The following LRRIQ3 variants were observed in gnomAD, a reference collection of about 807,000 sequenced individuals.
The protein encoded by LRRIQ3 is leucine-rich repeat and IQ domain-containing protein 3.
In LRRIQ3, 75 loss-of-function variants were observed where a neutral mutation model predicts 59.3. The ratio of observed to expected loss-of-function variants is 1.26; its 90% confidence interval spans 1.05 to 1.53. The LOEUF is 1.53. Ranked by LOEUF, LRRIQ3 falls within the 40% of genes most tolerant of loss-of-function variation. LRRIQ3 has a pLI of 0.00. For synonymous variants in LRRIQ3, 250 were observed against 231.3 expected (o/e 1.08, Z -0.73); for missense variants, 831 against 710.0 (o/e 1.17, Z -1.94).
chr1:74,120,120 T>C (rs891528188), intron 4 of LRRIQ3, among the ~76,000 whole-genome samples: 1 of 151,630 alleles, frequency 6.6e-6, no homozygotes, highest in Admixed American at 6.6e-5. Flanking sequence ...ATTTTTTGTA[T>C]GTTGTTTTTT....
At chr1:74,181,829 A>G (rs1253095732) in intron 3 of LRRIQ3, 4 of 151,810 alleles carry the variant, frequency 2.6e-5, no homozygotes, top group South Asian at 2.1e-4. Context: ...TTTTAGATAT[A>G]CTCACTGTTC....
intron 6 of LRRIQ3, among the ~76,000 whole-genome samples, chr1:74,069,411 G>A (rs1198132812): frequency 6.6e-6 from 1 of 151,932 alleles, no homozygotes; most frequent in African/African-American, 2.4e-5. Flanking sequence ...AGCAGCCGAT[G>A]AAATAGGTAT....
At chr1:74,145,556 A>G (rs779379318) in intron 4 of LRRIQ3, among the ~76,000 whole-genome samples, 8 of 152,308 alleles carry the variant, frequency 5.3e-5, no homozygotes, top group Middle Eastern at 6.8e-3. Context: ...GATTTAAAAA[A>G]TTACTTGCTT....
At chr1:74,133,333 A>C (rs1647059349) in intron 4 of LRRIQ3, among the ~76,000 whole-genome samples, 1 of 152,116 alleles carries the variant, frequency 6.6e-6, no homozygotes, top group South Asian at 2.1e-4. Flanking sequence ...AACTAGAAAT[A>C]CCATTTGACC....
chr1:74,147,126 G>A (rs904821059), intron 4 of LRRIQ3, among the ~76,000 whole-genome samples: 2 of 152,132 alleles, frequency 1.3e-5, no homozygotes, highest in Non-Finnish European at 2.9e-5. Context: ...CACTCAGGAG[G>A]CTGAGGTAGA....
chr1:74,123,545 T>C (rs1646892413), intron 4 of LRRIQ3, among the ~76,000 whole-genome samples: 1 of 152,034 alleles, frequency 6.6e-6, no homozygotes, highest in African/African-American at 2.4e-5. Context: ...TGAGTGAGAA[T>C]AAGCAAAGTT....
intron 4 of LRRIQ3, among the ~76,000 whole-genome samples, chr1:74,123,308 C>T (rs1036485599): frequency 1.3e-5 from 2 of 151,850 alleles, no homozygotes; most frequent in African/African-American, 4.8e-5. Context: ...ACAAACAATC[C>T]ACACATATTC....
intron 6 of LRRIQ3, among the ~76,000 whole-genome samples, chr1:74,043,214 G>A (rs1398948865): frequency 6.6e-6 from 1 of 152,080 alleles, no homozygotes; most frequent in African/African-American, 2.4e-5. Context: ...GGAGAAAAAG[G>A]TGTTTCTTGA....
At chr1:74,146,213 G>T (rs1047044873) in intron 4 of LRRIQ3, among the ~76,000 whole-genome samples, 2 of 151,974 alleles carry the variant, frequency 1.3e-5, no homozygotes, top group African/African-American at 4.8e-5. Context: ...TTCTCAGAAT[G>T]CATCCTTGTC....
At chr1:74,082,208 A>G (rs1052936945) in intron 5 of LRRIQ3, 7 of 151,600 alleles carry the variant, frequency 4.6e-5, no homozygotes, top group African/African-American at 1.7e-4. Flanking sequence ...TGTGAAAACA[A>G]GAAAAAAAGG....
At chr1:74,070,190 C>T (rs1054846361) in intron 6 of LRRIQ3, among the ~76,000 whole-genome samples, 1 of 152,036 alleles carries the variant, frequency 6.6e-6, no homozygotes, top group Non-Finnish European at 1.5e-5. Context: ...ATGTTCATTG[C>T]AGCACTATTC....
intron 1 of LRRIQ3, among the ~76,000 whole-genome samples, chr1:74,188,858 C>G (rs76894627): frequency 6.6e-6 from 1 of 152,252 alleles, no homozygotes; most frequent in African/African-American, 2.4e-5. Flanking sequence ...CGGTAGAAAT[C>G]TATTGTAAAT....
At chr1:74,154,236 T>A (rs1648169130) in intron 4 of LRRIQ3, among the ~76,000 whole-genome samples, 1 of 55,668 alleles carries the variant, frequency 1.8e-5, no homozygotes. Context: ...GCGAGACTCC[T>A]TCTCAAAAAA....
chr1:74,185,661 G>A (rs1271372094), intron 1 of LRRIQ3, among the ~76,000 whole-genome samples: 9 of 151,960 alleles, frequency 5.9e-5, no homozygotes, highest in African/African-American at 1.7e-4. Flanking sequence ...GTCCTTGAAA[G>A]GGCCGGGCGC....
chr1:74,052,016 G>A lies in LRRIQ3; in HGVS notation c.998-10083C>T, dbSNP rs1048826494. ...TTCCTGAATAACTATGAATCAGTCCGTTAATAATTATATTATTTCCCTTTT... is the reference window on the plus strand; with the variant it reads ...TTCCTGAATAACTATGAATCAGTCCATTAATAATTATATTATTTCCCTTTT... On this transcript the variant is annotated intron_variant, in intron 6 of 7. Coordinates refer to ENST00000354431, the MANE Select transcript of LRRIQ3 (RefSeq NM_001105659.2). Among the ~76,000 whole-genome samples the A allele has an allele frequency of 5.3e-5, 8 of 152,006 alleles. No homozygotes were observed. The East Asian group carries it at 5.8e-4, about 11-fold the overall frequency.
chr1:74,130,437 C>T (rs778249923), intron 4 of LRRIQ3, among the ~76,000 whole-genome samples: 3 of 152,104 alleles, frequency 2.0e-5, no homozygotes, highest in Non-Finnish European at 2.9e-5. Context: ...CACTCTCTCC[C>T]AAGTGCAGAT....
intron 6 of LRRIQ3, among the ~76,000 whole-genome samples, chr1:74,061,321 T>C (rs1008878232): frequency 7.2e-5 from 11 of 152,170 alleles, no homozygotes; most frequent in Non-Finnish European, 1.3e-4. Flanking sequence ...TGTTCATTGA[T>C]AGGAAGAATC....
intron 7 of LRRIQ3, among the ~76,000 whole-genome samples, chr1:74,031,112 A>G (rs1653696397): frequency 6.6e-6 from 1 of 152,160 alleles, no homozygotes; most frequent in Non-Finnish European, 1.5e-5. Context: ...TCAGGAAACA[A>G]CAGGTGCTGG....
intron 6 of LRRIQ3, among the ~76,000 whole-genome samples, chr1:74,067,246 C>T (rs1430311138): frequency 6.6e-6 from 1 of 152,088 alleles, no homozygotes; most frequent in Non-Finnish European, 1.5e-5. Flanking sequence ...TTCTGCCCCA[C>T]CCATTCTTAT....
Sources: allele counts gnomAD v4.1 joint callset (sites outside exome capture counted in the v4.1 genomes callset), GRCh38; gene constraint gnomAD v4.1.1; transcripts MANE v1.5; gene names NCBI Gene and HGNC (gene_info 2026-07-23, HGNC 2026-07-21).